VPS13B: variants seen among roughly 807,000 people sequenced by gnomAD.
VPS13B encodes intermembrane lipid transfer protein VPS13B.
A neutral mutation model predicts 426.4 loss-of-function variants in VPS13B; 285 were observed. The ratio of observed to expected loss-of-function variants is 0.67; its 90% CI spans 0.61 to 0.74. VPS13B has a LOEUF of 0.74. Ranked by LOEUF, VPS13B falls within the 30% of genes least tolerant of loss-of-function variation. VPS13B has a pLI of 0.00. For missense variants in VPS13B, 4,537 were observed against 4,782.6 expected, an observed-to-expected ratio of 0.95 and a Z score of 1.51; for synonymous variants, 1,676 against 1,676.4, an observed-to-expected ratio of 1.00 and a Z score of 0.01.
At chr8:99,583,962 G>T (rs1480540628) in intron 33 of VPS13B, among the ~76,000 whole-genome samples, 1 of 152,044 alleles carries the variant, frequency 6.6e-6, no homozygotes, top group Non-Finnish European at 1.5e-5. Flanking sequence ...AATTTTGGAC[G>T]ATATGCATAG....
chr8:99,612,279 C>A (rs7014820), intron 33 of VPS13B, among the ~76,000 whole-genome samples: 2 of 152,108 alleles, frequency 1.3e-5, no homozygotes, highest in Non-Finnish European at 2.9e-5. Context: ...ACGTTATGAG[C>A]ATCACAGATC....
At chr8:99,265,284 G>C (rs1818239320) in intron 17 of VPS13B, among the ~76,000 whole-genome samples, 1 of 152,104 alleles carries the variant, frequency 6.6e-6, no homozygotes, top group African/African-American at 2.4e-5. Flanking sequence ...TCTGTGTGAG[G>C]TTGGAACTTG....
chr8:99,034,412 CTGT>C (rs1842648360), intron 2 of VPS13B, among the ~76,000 whole-genome samples: 3 of 85,202 alleles, frequency 3.5e-5, no homozygotes, highest in Non-Finnish European at 7.9e-5. Context: ...GATTATAAGT[CTGT>C]TTTTTTTTTT....
chr8:99,817,695 AG>A lies in VPS13B; in HGVS notation c.8254del (p.Glu2752LysfsTer5). 6.2e-7 allele frequency: 1 copy of A among 1,614,110 alleles called. No homozygotes were observed. Among genetic ancestry groups the A allele is most frequent in the Non-Finnish European group, 8.5e-7 (1 of 1,179,996 alleles). On this transcript the variant is annotated frameshift_variant, in exon 45 of 62. Coordinates refer to ENST00000357162, the MANE Select transcript of VPS13B (RefSeq NM_152564.5). LOFTEE classifies it high-confidence loss of function. The part of the protein sequence containing the change: ...AKQKLPSYIL[E>X]NNELTELCVK... ...AACAGAAATTGCCTTCGTACATACTAGAAAACAATGAACTGACGGAGCTGTG... is the reference window on the plus strand; with the variant it reads ...AACAGAAATTGCCTTCGTACATACTAAAAACAATGAACTGACGGAGCTGTG...
At chr8:99,631,043 T>C (rs930742578) in intron 33 of VPS13B, among the ~76,000 whole-genome samples, 1 of 152,154 alleles carries the variant, frequency 6.6e-6, no homozygotes, top group Non-Finnish European at 1.5e-5. Context: ...AATGTTATGA[T>C]GCATTAGATA....
intron 21 of VPS13B, among the ~76,000 whole-genome samples, chr8:99,421,662 G>C (rs1011164325): frequency 2.0e-5 from 3 of 151,972 alleles, no homozygotes; most frequent in African/African-American, 7.2e-5. Context: ...TTTCCTGTCA[G>C]GTTGTTACAA....
intron 19 of VPS13B, chr8:99,346,892 T>G (rs902632711): frequency 6.6e-6 from 1 of 152,506 alleles, no homozygotes; most frequent in Non-Finnish European, 1.5e-5. Flanking sequence ...GGCCAGGGCT[T>G]GAGGATCTCT....
At chr8:99,602,997 A>G (rs1386261181) in intron 33 of VPS13B, among the ~76,000 whole-genome samples, 2 of 152,212 alleles carry the variant, frequency 1.3e-5, no homozygotes, top group Admixed American at 6.5e-5. Context: ...TCAAGCTACC[A>G]TTGACTTTCT....
At chr8:99,066,212 G>A (rs1007267527) in intron 3 of VPS13B, among the ~76,000 whole-genome samples, 4 of 152,196 alleles carry the variant, frequency 2.6e-5, no homozygotes, top group Non-Finnish European at 5.9e-5. Context: ...TAAGCCAAAA[G>A]AACAAAGCTG....
chr8:99,802,518 A>C (rs531546315), intron 43 of VPS13B, among the ~76,000 whole-genome samples: 1 of 152,286 alleles, frequency 6.6e-6, no homozygotes, highest in East Asian at 1.9e-4. Context: ...CAAAATTTGG[A>C]AATTACCTGA....
chr8:99,721,371 A>G (rs1474637852), intron 39 of VPS13B, among the ~76,000 whole-genome samples: 2 of 152,160 alleles, frequency 1.3e-5, no homozygotes, highest in Non-Finnish European at 2.9e-5. Flanking sequence ...TCATGTGTTC[A>G]CACTCTTCAG....
chr8:99,436,082 T>C (rs1362997414), intron 22 of VPS13B, among the ~76,000 whole-genome samples: 2 of 152,128 alleles, frequency 1.3e-5, no homozygotes, highest in African/African-American at 4.8e-5. Context: ...GAAAATTATG[T>C]TAGTGATCAG....
chr8:99,818,370 A>G, intron 45 of VPS13B, 81 bp from the exon 46 acceptor site: 1 of 1,362,296 alleles, frequency 7.3e-7, no homozygotes, highest in Non-Finnish European at 1.0e-6. Flanking sequence ...TAATCTTCCA[A>G]ACTGATGTAT....
chr8:99,649,593 T>C (rs562895169), intron 34 of VPS13B, among the ~76,000 whole-genome samples: 2 of 151,742 alleles, frequency 1.3e-5, no homozygotes, highest in South Asian at 2.1e-4. Flanking sequence ...AATGCCTGTG[T>C]CACTGCCACC....
chr8:99,513,196 T>C (rs1821885611), intron 29 of VPS13B, among the ~76,000 whole-genome samples: 1 of 151,992 alleles, frequency 6.6e-6, no homozygotes, highest in Non-Finnish European at 1.5e-5. Flanking sequence ...CTGATTGTTA[T>C]AAAACATTCA....
At chr8:99,285,932 G>T (rs1427480193) in intron 19 of VPS13B, among the ~76,000 whole-genome samples, 1 of 152,106 alleles carries the variant, frequency 6.6e-6, no homozygotes. Flanking sequence ...AGACTCAGTT[G>T]TCTGTTAATG....
At chr8:99,303,668 G>T (rs1461657058) in intron 19 of VPS13B, among the ~76,000 whole-genome samples, 1 of 135,472 alleles carries the variant, frequency 7.4e-6, no homozygotes, top group East Asian at 2.2e-4. Flanking sequence ...GGTGGAGGCT[G>T]TAGTGAGCTG....
chr8:99,414,338 A>G (rs1344870350), intron 21 of VPS13B, among the ~76,000 whole-genome samples: 1 of 151,730 alleles, frequency 6.6e-6, no homozygotes, highest in Non-Finnish European at 1.5e-5. Context: ...GGTCTCTTGA[A>G]TACAGCACAC....
intron 3 of VPS13B, among the ~76,000 whole-genome samples, chr8:99,083,091 T>C (rs1845575797): frequency 6.6e-6 from 1 of 152,192 alleles, no homozygotes; most frequent in Non-Finnish European, 1.5e-5. Context: ...TTCCTACCCA[T>C]GAGCATGGAA....
Sources: gnomAD v4.1 joint callset for allele counts (sites outside exome capture counted in the v4.1 genomes callset) on GRCh38, gnomAD v4.1.1 for gene constraint, MANE v1.5 for transcripts, NCBI Gene and HGNC (gene_info 2026-07-23, HGNC 2026-07-21) for gene names.